Variants in EPB41L2 observed in about 807,000 individuals in gnomAD.
EPB41L2 encodes the protein erythrocyte membrane protein band 4.1 like 2, also known as band 4.1-like protein 2.
In EPB41L2, 43 loss-of-function variants were observed where a neutral mutation model predicts 113.0. That is an observed-to-expected ratio of 0.38 (90% CI 0.30 to 0.49). The LOEUF (loss-of-function observed/expected upper bound fraction) is 0.49, where lower values mean the gene tolerates loss of function less well. EPB41L2 is among the 20% of genes least tolerant of loss of function. The pLI is 0.95. For synonymous variants in EPB41L2, 442 were observed against 436.7 expected (o/e 1.01, Z -0.15); for missense variants, 1,147 against 1,223.4 (o/e 0.94, Z 0.93).
chr6:131,042,380 T>G (rs1794626146), intron 1 of EPB41L2, among the ~76,000 whole-genome samples: 1 of 152,054 alleles, frequency 6.6e-6, no homozygotes, highest in African/African-American at 2.4e-5. Context: ...ACAAATGAAA[T>G]AATAAAGAAG....
At chr6:130,853,809 A>G (rs1312226769) in intron 19 of EPB41L2, among the ~76,000 whole-genome samples, 2 of 152,214 alleles carry the variant, frequency 1.3e-5, no homozygotes, top group Non-Finnish European at 2.9e-5. Flanking sequence ...GATACATTGC[A>G]GACAGTTCCC....
At chr6:130,929,782 T>C (rs1337106160) in intron 3 of EPB41L2, among the ~76,000 whole-genome samples, 1 of 151,156 alleles carries the variant, frequency 6.6e-6, no homozygotes, top group Non-Finnish European at 1.5e-5. Context: ...ACAACAACAA[T>C]CTTTTGCTCT....
intron 1 of EPB41L2, among the ~76,000 whole-genome samples, chr6:131,014,819 A>C (rs1322582424): frequency 6.6e-6 from 1 of 152,238 alleles, no homozygotes; most frequent in Non-Finnish European, 1.5e-5. Flanking sequence ...ACACTAATGT[A>C]AAATATGCTC....
chr6:130,891,624 T>A (rs960269554), intron 10 of EPB41L2, among the ~76,000 whole-genome samples: 1 of 152,132 alleles, frequency 6.6e-6, no homozygotes, highest in Admixed American at 6.5e-5. Flanking sequence ...CTAATTTTTG[T>A]ATTTTTTTAA....
In EPB41L2 at chr6:130,966,049, A is replaced by G. The variant is rs865847476; in HGVS notation, c.-14-9550T>C. ...GCTTTAAAAAAAAAATTGCAAAAAA[A>G]AAATCTAATAATGATCTAAGAAAGT... On this transcript the variant is annotated intron_variant, in intron 1 of 19. Coordinates refer to ENST00000337057, the MANE Select transcript of EPB41L2 (RefSeq NM_001431.4). Among the ~76,000 whole-genome samples the G allele has an allele frequency of 9.6e-3, 1,458 of 152,316 alleles. 20 individuals carry two copies. The highest frequency in any genetic ancestry group is 0.033 in the African/African-American group (1,371 of 41,578).
chr6:130,866,556 T>A (rs1418503777), intron 16 of EPB41L2, among the ~76,000 whole-genome samples: 1 of 152,220 alleles, frequency 6.6e-6, no homozygotes, highest in Non-Finnish European at 1.5e-5. Flanking sequence ...CTATTTGTGC[T>A]TATGTGGGAT....
intron 1 of EPB41L2, among the ~76,000 whole-genome samples, chr6:131,060,309 AAT>A (rs1315943719): frequency 6.6e-6 from 1 of 152,246 alleles, no homozygotes; most frequent in Non-Finnish European, 1.5e-5. Flanking sequence ...CAGCCACAGT[AAT>A]ATGAGAGGGG....
chr6:130,924,018 CTT>C (rs1456890485), intron 4 of EPB41L2, among the ~76,000 whole-genome samples: 1 of 152,148 alleles, frequency 6.6e-6, no homozygotes, highest in African/African-American at 2.4e-5. Flanking sequence ...CCATTCTACT[CTT>C]TGTTTCTATG....
In EPB41L2 at chr6:130,890,476, GAAAAAA is replaced by G; in HGVS notation, c.1488-16_1488-11del. On this transcript the variant is annotated splice_polypyrimidine_tract_variant and intron_variant, in intron 10 of 19. Coordinates refer to ENST00000337057, the MANE Select transcript of EPB41L2 (RefSeq NM_001431.4). ...CTCTGGAGAAACAAGCCTATGGGAG[GAAAAAA>G]AAAAAAAAAGAGAGAGAGAAAGGGG... The G allele has an allele frequency of 5.9e-6, 8 of 1,344,808 alleles. No individual in the cohort carries two copies. Among genetic ancestry groups the G allele is most frequent in the South Asian group, 1.5e-5 (1 of 68,588 alleles). The allele number at this position is 1,344,808 out of a possible 1,614,324, so 83.3% of individuals were successfully genotyped here. A position where few individuals can be genotyped will look rare whatever the true frequency, so the allele number is the denominator to read the frequency against.
intron 1 of EPB41L2, among the ~76,000 whole-genome samples, chr6:131,009,866 A>T (rs1786497077): frequency 6.6e-6 from 1 of 152,194 alleles, no homozygotes; most frequent in South Asian, 2.1e-4. Context: ...GTCCATATGC[A>T]ACTATGTTCT....
intron 3 of EPB41L2, among the ~76,000 whole-genome samples, chr6:130,941,141 T>C (rs1174141287): frequency 1.3e-5 from 2 of 152,208 alleles, no homozygotes; most frequent in East Asian, 3.8e-4. Context: ...GAGAGGAAAT[T>C]TGTAAAATAG....
At chr6:130,979,886 G>C (rs1280808363) in intron 1 of EPB41L2, among the ~76,000 whole-genome samples, 1 of 152,210 alleles carries the variant, frequency 6.6e-6, no homozygotes, top group East Asian at 1.9e-4. Context: ...GAACTGCTCA[G>C]CCAATCAATG....
intron 14 of EPB41L2, 165 bp from the exon 15 acceptor site, chr6:130,870,291 G>C (rs548987801): frequency 1.9e-6 from 3 of 1,549,466 alleles, no homozygotes; most frequent in Non-Finnish European, 1.7e-6. Flanking sequence ...AATGAGAAAC[G>C]TGAGGCAATG....
chr6:131,061,991 C>G (rs1008312268), intron 1 of EPB41L2, among the ~76,000 whole-genome samples: 3 of 151,982 alleles, frequency 2.0e-5, no homozygotes, highest in Non-Finnish European at 2.9e-5. Flanking sequence ...TTCAGAAAAG[C>G]GAAAATATAG....
chr6:130,869,472 G>GA, intron 15 of EPB41L2, 91 bp downstream of exon 15: 1 of 1,171,200 alleles, frequency 8.5e-7, no homozygotes, highest in East Asian at 2.4e-5. Context: ...GAAAAAAGCT[G>GA]AAGAACTGGG....
intron 1 of EPB41L2, among the ~76,000 whole-genome samples, chr6:130,969,839 AT>A (rs1286747058): frequency 5.3e-5 from 8 of 152,284 alleles, no homozygotes; most frequent in African/African-American, 1.9e-4. Flanking sequence ...CAGAAATAAT[AT>A]CATACTGATT....
rs1278573428 is a variant in EPB41L2, at chr6:130,896,227, G to GT, written c.1237-1109dup. Among the ~76,000 whole-genome samples, 11 of 152,210 alleles carry GT rather than the reference G, an allele frequency of 7.2e-5. 1 individual carries two copies. The highest frequency in any genetic ancestry group is 5.9e-4 in the Admixed American group (9 of 15,268). On this transcript the variant is annotated intron_variant, in intron 8 of 19. Coordinates refer to ENST00000337057, the MANE Select transcript of EPB41L2 (RefSeq NM_001431.4). ...ATTGATGCCAGTTGCTTTCTCTGCT[G>GT]TGACACTTGAGTAATTCATATATAC...
intron 3 of EPB41L2, among the ~76,000 whole-genome samples, chr6:130,931,544 T>C (rs1806870598): frequency 6.6e-6 from 1 of 152,182 alleles, no homozygotes; most frequent in Admixed American, 6.6e-5. Flanking sequence ...AAATGCTACA[T>C]ATGAATGTTC....
At chr6:130,981,450 AAAGAC>A (rs1319722726) in intron 1 of EPB41L2, among the ~76,000 whole-genome samples, 1 of 152,218 alleles carries the variant, frequency 6.6e-6, no homozygotes, top group Admixed American at 6.5e-5. Flanking sequence ...TGCCAGTTTA[AAAGAC>A]AAGATAATGA....
Sources: gnomAD v4.1 joint callset for allele counts (sites outside exome capture counted in the v4.1 genomes callset) on GRCh38, gnomAD v4.1.1 for gene constraint, MANE v1.5 for transcripts, NCBI Gene and HGNC (gene_info 2026-07-23, HGNC 2026-07-21) for gene names.